The following POLK variants were observed in gnomAD, a reference collection of about 807,000 sequenced individuals.
POLK encodes DNA polymerase kappa.
POLK carries 76 observed loss-of-function variants against 94.0 expected under a neutral mutation model. The ratio of observed to expected loss-of-function variants is 0.81; its 90% confidence interval spans 0.67 to 0.98. POLK has a LOEUF of 0.98. Among genes scored for constraint, POLK ranks in the 50% least tolerant of loss-of-function variants. POLK has a pLI of 0.00. For synonymous variants in POLK, 349 were observed against 325.4 expected (o/e 1.07, Z -0.78); for missense variants, 954 against 1,010.1 (o/e 0.94, Z 0.75).
intron 14 of POLK, 39 bp downstream of exon 14, chr5:75,597,828 A>G: frequency 1.5e-6 from 2 of 1,320,616 alleles, no homozygotes; most frequent in Non-Finnish European, 2.1e-6. Flanking sequence ...TGGCTACAAT[A>G]TGAAAATTCA....
intron 9 of POLK, among the ~76,000 whole-genome samples, 155 bp downstream of exon 9, chr5:75,585,081 G>A (rs923300538): frequency 6.6e-6 from 1 of 152,198 alleles, no homozygotes; most frequent in Middle Eastern, 3.2e-3. Flanking sequence ...CAACAGATTG[G>A]ATGTAGGAGG....
rs762248105 is a variant in POLK, at chr5:75,597,911, T to C, written c.2529-23T>C. The C allele has an allele frequency of 9.2e-6, 12 of 1,299,948 alleles. No homozygotes were observed. The African/African-American group carries it at 1.2e-4, about 13-fold the overall frequency. The allele number at this position is 1,299,948 out of a possible 1,614,324, so 80.5% of individuals were successfully genotyped here. On this transcript the variant is annotated intron_variant, in intron 14 of 14. Coordinates refer to ENST00000241436, the Ensembl canonical transcript of POLK. ...TCTAGAATCTCTTCCTGCATTTTAATTGTGTGTTCCTTTTCATTCTAGGCC... is the reference window on the plus strand; with the variant it reads ...TCTAGAATCTCTTCCTGCATTTTAACTGTGTGTTCCTTTTCATTCTAGGCC...
At chr5:75,585,070 T>G (rs1772396176) in intron 9 of POLK, 144 bp downstream of exon 9, 1 of 618,834 alleles carries the variant, frequency 1.6e-6, no homozygotes, top group Non-Finnish European at 2.8e-6. Context: ...TGAATTAGAG[T>G]CAACAGATTG....
At chr5:75,542,587 ATG>A (rs1209997480) in intron 1 of POLK, among the ~76,000 whole-genome samples, 2 of 150,912 alleles carry the variant, frequency 1.3e-5, no homozygotes, top group African/African-American at 2.4e-5. Flanking sequence ...GGGTATATAT[ATG>A]TGTGTGTGTG....
exon 15 of POLK, chr5:75,599,210 C>G (rs1773231901): frequency 6.6e-6 from 1 of 152,076 alleles, no homozygotes; most frequent in Non-Finnish European, 1.5e-5. Context: ...CAAGATCTTG[C>G]CACTGTACTC....
rs565870719 is a variant in POLK at position 75,530,821 on chromosome 5, T to C, written c.-13-16189T>C. On this transcript the variant is annotated intron_variant, in intron 1 of 14. Coordinates refer to ENST00000241436, the Ensembl canonical transcript of POLK. The stretch of plus-strand genomic sequence containing the variant: ...TTTTCTTTTCTTTTCTTTTTTTTTT[T>C]TTTTGAGTTGGAGTCTCGCTCTGTT... Among the ~76,000 whole-genome samples the C allele has an allele frequency of 2.5e-4, 37 of 150,754 alleles. 2 individuals carry two copies. The South Asian group carries it at 7.3e-3, about 30-fold the overall frequency.
At chr5:75,579,376 T>A (rs892341516) in intron 6 of POLK, among the ~76,000 whole-genome samples, 1 of 151,982 alleles carries the variant, frequency 6.6e-6, no homozygotes, top group Non-Finnish European at 1.5e-5. Flanking sequence ...TTTTATTTTT[T>A]TTTATTTTTT....
At chr5:75,544,934 A>T (rs1327071171) in intron 1 of POLK, among the ~76,000 whole-genome samples, 1 of 152,206 alleles carries the variant, frequency 6.6e-6, no homozygotes, top group East Asian at 1.9e-4. Context: ...TCCCCTGGGC[A>T]CTACGAAATA....
chr5:75,593,741 G>T (rs1332546824), intron 11 of POLK, 137 bp from the exon 12 acceptor site: 1 of 485,926 alleles, frequency 2.1e-6, no homozygotes, highest in East Asian at 3.3e-5. Flanking sequence ...TACTCAGGAG[G>T]CTGAGGCAAG....
At chr5:75,575,759 C>T (rs1771838600) in intron 5 of POLK, among the ~76,000 whole-genome samples, 1 of 152,100 alleles carries the variant, frequency 6.6e-6, no homozygotes, top group Non-Finnish European at 1.5e-5. Context: ...TTTATATCAC[C>T]ATTTTCTAAA....
At chr5:75,574,313 CTACTT>C (rs752516991) in intron 5 of POLK, among the ~76,000 whole-genome samples, 1 of 152,022 alleles carries the variant, frequency 6.6e-6, no homozygotes, top group Non-Finnish European at 1.5e-5. Flanking sequence ...TTTGATTAGC[CTACTT>C]TACTTGCCCC....
intron 3 of POLK, among the ~76,000 whole-genome samples, chr5:75,560,378 A>G (rs867186972): frequency 1.1e-4 from 16 of 152,280 alleles, no homozygotes; most frequent in South Asian, 2.1e-4. Context: ...TCAATAACCT[A>G]TTGAGGTTGG....
At chr5:75,513,834 T>A (rs1303830615) in intron 1 of POLK, among the ~76,000 whole-genome samples, 1 of 152,176 alleles carries the variant, frequency 6.6e-6, no homozygotes, top group Non-Finnish European at 1.5e-5. Context: ...TCTGTCGTTT[T>A]TATTTTGCTT....
At chr5:75,570,220 C>CA (rs1174941724) in intron 4 of POLK, among the ~76,000 whole-genome samples, 40 of 152,108 alleles carry the variant, frequency 2.6e-4, no homozygotes, top group African/African-American at 7.0e-4. Context: ...AAAGAAAACT[C>CA]AGAGAGATGT....
chr5:75,512,051 G>T (rs951043787), intron 1 of POLK, 137 bp downstream of exon 1: 32 of 398,840 alleles, frequency 8.0e-5, no homozygotes, highest in African/African-American at 6.5e-4. Flanking sequence ...GAACCCTCCG[G>T]GCTTGCGGGC....
intron 5 of POLK, among the ~76,000 whole-genome samples, chr5:75,574,386 A>C (rs990310052): frequency 6.6e-6 from 1 of 152,208 alleles, no homozygotes; most frequent in African/African-American, 2.4e-5. Flanking sequence ...CATTGCTTCA[A>C]AAAGGATCTT....
intron 3 of POLK, among the ~76,000 whole-genome samples, chr5:75,552,803 A>G (rs1275842587): frequency 1.3e-5 from 2 of 152,190 alleles, no homozygotes; most frequent in Non-Finnish European, 2.9e-5. Flanking sequence ...TGTCACCTCT[A>G]TTATACAGAA....
At position 75,564,072 on chromosome 5, in the gene POLK, G is replaced by A. The variant is rs143533686; in HGVS notation, c.256-5268G>A. On this transcript the variant is annotated intron_variant, in intron 3 of 14. Transcript: ENST00000241436. ...CTAAGAACTTGCTTTATGAATCTGG[G>A]TGCTACTGCATTGGGTGCATATATG... 2.1e-3 allele frequency among the ~76,000 whole-genome samples: 315 copies of A among 152,272 alleles called. 1 individual carries two copies. In the East Asian group the frequency reaches 0.027, roughly 13 times the overall value.
At chr5:75,584,718 C>T (rs1772372306) in intron 8 of POLK, 42 bp from the exon 9 acceptor site, 3 of 1,147,290 alleles carry the variant, frequency 2.6e-6, no homozygotes, top group Non-Finnish European at 3.6e-6. Context: ...TTTTTAGCTT[C>T]ACTTTAAAAT....
Sources: gnomAD v4.1 joint callset for allele counts (sites outside exome capture counted in the v4.1 genomes callset) on GRCh38, gnomAD v4.1.1 for gene constraint, MANE v1.5 for transcripts, NCBI Gene and HGNC (gene_info 2026-07-23, HGNC 2026-07-21) for gene names.